Variants in HMCN1 observed in about 807,000 individuals in gnomAD.
HMCN1 encodes hemicentin-1.
A neutral mutation model predicts 625.9 loss-of-function variants in HMCN1; 321 were observed. The observed-to-expected ratio is 0.51, with a 90% CI of 0.47 to 0.56. HMCN1 has a LOEUF of 0.56. Among genes scored for constraint, HMCN1 ranks in the 20% least tolerant of loss-of-function variants. HMCN1 has a pLI of 0.00. For missense variants in HMCN1, 6,588 were observed against 6,887.3 expected (o/e 0.96, Z 1.54); for synonymous variants, 2,425 against 2,417.6 (o/e 1.00, Z -0.09).
At chr1:185,962,244 C>T (rs373110054) in intron 11 of HMCN1, among the ~76,000 whole-genome samples, 1 of 152,074 alleles carries the variant, frequency 6.6e-6, no homozygotes, top group African/African-American at 2.4e-5. Flanking sequence ...TGTAGGTCAG[C>T]TGGTGGAGGC....
intron 36 of HMCN1, among the ~76,000 whole-genome samples, chr1:186,025,002 T>G (rs1654968287): frequency 6.6e-6 from 1 of 152,294 alleles, no homozygotes. Flanking sequence ...CAACTCACCA[T>G]AATGTAGAAT....
chr1:185,805,802 A>G (rs755522412), intron 1 of HMCN1, among the ~76,000 whole-genome samples: 71 of 152,160 alleles, frequency 4.7e-4, no homozygotes, highest in Non-Finnish European at 8.1e-4. Flanking sequence ...ACAGCATGTC[A>G]GCCTTGTGTC....
At chr1:186,167,607 C>G (rs1228881269) in intron 100 of HMCN1, among the ~76,000 whole-genome samples, 1 of 152,174 alleles carries the variant, frequency 6.6e-6, no homozygotes, top group Non-Finnish European at 1.5e-5. Context: ...AGAATAGTTT[C>G]ATTGCCCTCA....
rs1375991883 is a variant in HMCN1, at chr1:186,115,372, A to G, written c.11519A>G (p.Asn3840Ser). 9 of 1,613,934 alleles carry G rather than the reference A, an allele frequency of 5.6e-6. No individual in the cohort carries two copies. Among genetic ancestry groups the G allele is most frequent in the Non-Finnish European group, 6.8e-6 (8 of 1,179,938 alleles). Residue 3840 changes from asparagine to serine, a missense_variant, in exon 75 of 107, where the codon AAT (asparagine) becomes AGT (serine). By Grantham distance (46) the Asn-to-Ser change is conservative. This residue lies in a region of HMCN1 where 4,628 missense variants were observed against 4,853.1 expected (regional missense o/e 0.95). Transcript: ENST00000271588. ...AAACCATCAATCAATTGGAGAAAAA[A>G]TGGGCATCTTCTTAATGTGGATCAA... ...IPKPSINWRK[N>S]GHLLNVDQNQ... is the part of the protein sequence containing the mutation.
In HMCN1 at chr1:186,189,848, T is replaced by G; in HGVS notation, c.16878T>G (p.Val5626=). The change falls in exon 107 of 107, where the codon GTT becomes GTG. Residue 5626 remains valine, a synonymous_variant. Coordinates refer to ENST00000271588, the MANE Select transcript of HMCN1 (RefSeq NM_031935.3). The part of the protein sequence containing the change: ...GTIEYQTTFI[V]YIAVSAYPY ...TTGAATATCAGACCACATTCATAGT[T>G]TATATAGCTGTGTCCGCCTATCCAT... The G allele has an allele frequency of 6.2e-7, 1 of 1,613,830 alleles. No homozygotes were observed. The highest frequency in any genetic ancestry group is 8.5e-7 in the Non-Finnish European group (1 of 1,179,836).
At chr1:185,829,866 G>A (rs1660747707) in intron 1 of HMCN1, among the ~76,000 whole-genome samples, 1 of 152,184 alleles carries the variant, frequency 6.6e-6, no homozygotes, top group Non-Finnish European at 1.5e-5. Context: ...CCCACCAACA[G>A]TGTAAAAGCA....
chr1:186,088,083 C>G (rs1439925998), intron 61 of HMCN1, 62 bp from the exon 62 acceptor site: 14 of 1,608,946 alleles, frequency 8.7e-6, no homozygotes, highest in Non-Finnish European at 1.1e-5. Flanking sequence ...TCCAAATTAG[C>G]TTAATGAGGA....
At chr1:186,188,422 C>T (rs1452799362) in intron 106 of HMCN1, among the ~76,000 whole-genome samples, 1 of 152,170 alleles carries the variant, frequency 6.6e-6, no homozygotes, top group Non-Finnish European at 1.5e-5. Flanking sequence ...CACTGACTCA[C>T]CGCTCCTTGA....
In HMCN1 at chr1:185,840,944, C is replaced by T. The variant is rs1441274192; in HGVS notation, c.269-5082C>T. ...CCCCAGAAGGCAGCAGTAAATATTC[C>T]TCTCATTATCAAGGAACCACTTTGA... On this transcript the variant is annotated intron_variant, in intron 1 of 106. Transcript: ENST00000271588. Among the ~76,000 whole-genome samples, 3 of 152,104 alleles carry T rather than the reference C, an allele frequency of 2.0e-5. No homozygotes were observed. The East Asian group carries it at 5.8e-4, about 29-fold the overall frequency.
chr1:186,012,615 T>C (rs976160620), intron 30 of HMCN1, among the ~76,000 whole-genome samples: 4 of 152,176 alleles, frequency 2.6e-5, no homozygotes, highest in Admixed American at 6.5e-5. Context: ...TTATTTTCTT[T>C]AGACCCGTTT....
chr1:185,925,236 GTAAATA>G, intron 9 of HMCN1, 45 bp downstream of exon 9: 2 of 1,553,392 alleles, frequency 1.3e-6, no homozygotes, highest in Non-Finnish European at 1.8e-6. Context: ...CATTTAACAT[GTAAATA>G]TAAATAGACT....
intron 38 of HMCN1, among the ~76,000 whole-genome samples, chr1:186,039,415 C>T (rs1402349058): frequency 6.6e-6 from 1 of 151,782 alleles, no homozygotes; most frequent in Non-Finnish European, 1.5e-5. Context: ...CATGTGCACA[C>T]ACACACACAC....
intron 19 of HMCN1, among the ~76,000 whole-genome samples, chr1:185,986,037 G>C (rs1002722984): frequency 6.6e-6 from 1 of 152,066 alleles, no homozygotes; most frequent in African/African-American, 2.4e-5. Flanking sequence ...TATCAAAATG[G>C]CTTATTCCAT....
At chr1:185,959,044 T>C (rs1197391876) in intron 11 of HMCN1, among the ~76,000 whole-genome samples, 1 of 152,196 alleles carries the variant, frequency 6.6e-6, no homozygotes, top group African/African-American at 2.4e-5. Context: ...ACTCAGTAAA[T>C]GTTTGTTGGC....
chr1:185,855,035 A>G lies in HMCN1; in HGVS notation c.339+8939A>G, dbSNP rs182582078. ...TAGAGTCTTGACTAGCAGAGAGGAA[A>G]AACAGAGAAGGATCATAAGAGAGGA... On this transcript the variant is annotated intron_variant, in intron 2 of 106. Transcript: ENST00000271588. Among the ~76,000 whole-genome samples, 21 of 152,334 alleles carry G rather than the reference A, an allele frequency of 1.4e-4. 1 individual carries two copies. The East Asian group carries it at 3.9e-3, about 28-fold the overall frequency.
At chr1:185,877,367 G>A (rs1052972899) in intron 4 of HMCN1, among the ~76,000 whole-genome samples, 4 of 106,912 alleles carry the variant, frequency 3.7e-5, no homozygotes, top group Non-Finnish European at 5.3e-5. Context: ...TACCATGCTC[G>A]CCTTGTTGTA....
Position 186,182,165 on chromosome 1 carries a change from C to G in HMCN1, c.16295-3C>G, listed in dbSNP as rs1207348740. 6.2e-7 allele frequency: 1 copy of G among 1,612,904 alleles called. No individual in the cohort carries two copies. The highest frequency in any genetic ancestry group is 8.5e-7 in the Non-Finnish European group (1 of 1,179,084). ...GATAACTCTCTGTCTTCTTCCTGAA[C>G]AGATATTGATGAATGTGAAAATACA... is the stretch of plus-strand genomic sequence containing the variant. On this transcript the variant is annotated splice_region_variant and splice_polypyrimidine_tract_variant and intron_variant, in intron 104 of 106. Transcript: ENST00000271588.
chr1:185,785,662 T>G (rs898870951), intron 1 of HMCN1, among the ~76,000 whole-genome samples: 4 of 152,216 alleles, frequency 2.6e-5, no homozygotes, highest in Non-Finnish European at 5.9e-5. Context: ...TTCTGCCATC[T>G]TGTCCCAGAA....
rs61732179 is a variant in HMCN1 at position 186,136,668 on chromosome 1, G to A, written c.13313G>A (p.Ser4438Asn). The change falls in exon 87 of 107, where the codon AGT becomes AAT. Residue 4438 changes from serine to asparagine, a missense_variant and splice_region_variant. Physicochemically the swap from Ser to Asn is conservative, Grantham distance 46. This residue lies in a region of HMCN1 where 1,954 missense variants were observed against 2,013.1 expected (regional missense o/e 0.97). Coordinates refer to ENST00000271588, the MANE Select transcript of HMCN1 (RefSeq NM_031935.3). Reference sequence around the variant, plus strand: ...AGACACTATGTGCTTTTTTCCGTAGGTCCTCCTATTATCACTCTTGAGCCA... The same window carrying A: ...AGACACTATGTGCTTTTTTCCGTAGATCCTCCTATTATCACTCTTGAGCCA... ...VERSMSLTLQ[S>N]PPIITLEPVE... 228 of 1,613,332 alleles carry A rather than the reference G, an allele frequency of 1.4e-4. No homozygotes were observed. In the African/African-American group the frequency reaches 2.6e-3, roughly 18 times the overall value.
Sources: allele counts gnomAD v4.1 joint callset (sites outside exome capture counted in the v4.1 genomes callset), GRCh38; gene constraint gnomAD v4.1.1; regional missense constraint gnomAD v4.1.1; transcripts MANE v1.5; gene names NCBI Gene and HGNC (gene_info 2026-07-23, HGNC 2026-07-21).